The following FAM227A variants were observed in gnomAD, a reference collection of about 807,000 sequenced individuals.
FAM227A encodes the protein protein FAM227A.
FAM227A carries 80 observed loss-of-function variants against 74.7 expected under a neutral mutation model. That is an observed-to-expected ratio of 1.07 (90% CI 0.89 to 1.29). FAM227A has a LOEUF of 1.29. Ranked by LOEUF, FAM227A falls within the 50% of genes most tolerant of loss-of-function variation. The pLI is 0.00. For missense variants in FAM227A, 654 were observed against 683.4 expected (o/e 0.96, Z 0.48); for synonymous variants, 237 against 241.8 (o/e 0.98, Z 0.19).
intron 2 of FAM227A, among the ~76,000 whole-genome samples, chr22:38,646,935 T>C (rs1401482600): frequency 1.4e-5 from 2 of 145,916 alleles, no homozygotes; most frequent in Admixed American, 6.9e-5. Context: ...CAGATCACGA[T>C]GTTAGGAGTT....
chr22:38,589,982 C>T (rs2090895541), intron 16 of FAM227A, among the ~76,000 whole-genome samples: 1 of 152,000 alleles, frequency 6.6e-6, no homozygotes, highest in African/African-American at 2.4e-5. Context: ...AATGGTGGCT[C>T]ACACCTGTAA....
chr22:38,640,774 T>A (rs1434687561), intron 3 of FAM227A, among the ~76,000 whole-genome samples: 1 of 151,802 alleles, frequency 6.6e-6, no homozygotes, highest in East Asian at 1.9e-4. Context: ...TGGACATGAG[T>A]GTTGGTGGCA....
chr22:38,654,852 G>A (rs1164178691), intron 1 of FAM227A, among the ~76,000 whole-genome samples: 2 of 151,432 alleles, frequency 1.3e-5, no homozygotes, highest in African/African-American at 4.9e-5. Flanking sequence ...AGAGGCTGAG[G>A]CAGGACAATG....
intron 8 of FAM227A, 149 bp from the exon 9 acceptor site, chr22:38,626,452 G>T: frequency 1.0e-6 from 1 of 977,292 alleles, no homozygotes; most frequent in Non-Finnish European, 1.4e-6. Flanking sequence ...TACCCAGGCT[G>T]GATTTGAACT....
At chr22:38,614,073 C>T (rs1344822089) in intron 11 of FAM227A, among the ~76,000 whole-genome samples, 2 of 152,088 alleles carry the variant, frequency 1.3e-5, no homozygotes, top group African/African-American at 4.8e-5. Context: ...ACCATGTTGG[C>T]CAGGTTAAGA....
At chr22:38,623,109 A>C in intron 10 of FAM227A, 63 bp downstream of exon 10, 1 of 1,140,402 alleles carries the variant, frequency 8.8e-7, no homozygotes, top group Non-Finnish European at 1.3e-6. Flanking sequence ...CTCCTCCCTC[A>C]GTTAGATAGT....
At chr22:38,629,026 C>T in intron 6 of FAM227A, 91 bp from the exon 7 acceptor site, 1 of 778,676 alleles carries the variant, frequency 1.3e-6, no homozygotes, top group Non-Finnish European at 2.1e-6. Context: ...ACAGAAAAAC[C>T]ACCTAATCTG....
intron 2 of FAM227A, among the ~76,000 whole-genome samples, chr22:38,646,346 G>A (rs1294941049): frequency 6.9e-5 from 9 of 130,868 alleles, no homozygotes; most frequent in Admixed American, 1.8e-4. Context: ...TGCAAGCTCC[G>A]CCTCCCGGGT....
In FAM227A at chr22:38,608,792, CCTTTT is replaced by C. The variant is rs574748832; in HGVS notation, c.1039-1321_1039-1317del. Among the ~76,000 whole-genome samples, 10 of 127,632 alleles carry C rather than the reference CCTTTT, an allele frequency of 7.8e-5. No homozygotes were observed. In the South Asian group the frequency reaches 1.7e-3, roughly 22 times the overall value. The allele number at this position is 127,632 out of a possible 152,430, so 83.7% of individuals were successfully genotyped here. On this transcript the variant is annotated intron_variant, in intron 11 of 16. Transcript: ENST00000535113. ...CATAAGATAAAATAAGACCCTTGTT[CCTTTT>C]TTTTTTTTTTTTTTTTTGAGATGGA...
chr22:38,593,305 C>T (rs1272375830), intron 15 of FAM227A, among the ~76,000 whole-genome samples: 1 of 152,152 alleles, frequency 6.6e-6, no homozygotes. Context: ...GAGATCAAGA[C>T]CATCCTGGCT....
At chr22:38,645,260 A>G (rs929654856) in intron 3 of FAM227A, among the ~76,000 whole-genome samples, 1 of 151,848 alleles carries the variant, frequency 6.6e-6, no homozygotes, top group African/African-American at 2.4e-5. Flanking sequence ...GCATGGTGGC[A>G]CGCACCTGTA....
chr22:38,613,295 TC>T (rs1569207449), intron 11 of FAM227A, among the ~76,000 whole-genome samples: 2 of 55,518 alleles, frequency 3.6e-5, no homozygotes, highest in African/African-American at 1.4e-4. Context: ...ATAATATATA[TC>T]ATATATAATA....
In FAM227A at chr22:38,636,450, C is replaced by T; in HGVS notation, c.519+1G>A. ...CAGGGCAGGCACTGCTTTTTCCTCA[C>T]CTTGCCACTAAGGCAGTCTCTCTCA... On this transcript the variant is annotated splice_donor_variant, in intron 6 of 16. Transcript: ENST00000535113. LOFTEE classifies it high-confidence loss of function. 1 of 1,550,622 alleles carries T rather than the reference C, an allele frequency of 6.4e-7. No individual in the cohort carries two copies. The highest frequency in any genetic ancestry group is 8.7e-7 in the Non-Finnish European group (1 of 1,146,622).
chr22:38,650,077 C>T lies in FAM227A; in HGVS notation c.92G>A (p.Arg31Gln), dbSNP rs780662084. 27 of 1,551,938 alleles carry T rather than the reference C, an allele frequency of 1.7e-5. No homozygotes were observed. Among genetic ancestry groups the T allele is most frequent in the South Asian group, 1.3e-4 (11 of 84,044 alleles). ...DEHLAVSLVA[R>Q]NTMVKTVRKE... ...CCTCACAGTCTTCACCATTGTATTC[C>T]GTGCGACAAGCGAGACAGCCAGGTG... The change falls in exon 2 of 17, where the codon CGG (arginine) becomes CAG (glutamine). Residue 31 changes from arginine to glutamine, a missense_variant. Physicochemically the swap from Arg to Gln is conservative, Grantham distance 43. Transcript: ENST00000535113.
rs1439520904 is a variant in FAM227A, at chr22:38,579,884, C to G, written c.*6241G>C. 1.3e-5 allele frequency: 2 copies of G among 151,928 alleles called. No homozygotes were observed. The highest frequency in any genetic ancestry group is 2.9e-5 in the Non-Finnish European group (2 of 67,980). 9.4% of individuals were successfully genotyped at this position (151,928 alleles called of 1,614,324 possible). ...ATGCCACATTTTGTTTCAATGGGAT[C>G]CAAATAATGTCCACATGTTGTAATT... On this transcript the variant is annotated 3_prime_UTR_variant, in exon 17 of 17. Transcript: ENST00000535113.
intron 10 of FAM227A, among the ~76,000 whole-genome samples, chr22:38,622,873 CAAAAAAAAAAAAAAAAA>C (rs138871600): frequency 2.2e-5 from 1 of 45,134 alleles, no homozygotes; most frequent in African/African-American, 8.1e-5. Flanking sequence ...AAGACTGTCT[CAAAAAAAAAAAAAAAAA>C]AAAAAAAAAG....
intron 16 of FAM227A, among the ~76,000 whole-genome samples, chr22:38,589,949 T>A (rs1392333491): frequency 4.6e-5 from 7 of 151,784 alleles, no homozygotes; most frequent in African/African-American, 1.2e-4. Context: ...ATAATTATTT[T>A]AAAAATAGAA....
intron 11 of FAM227A, among the ~76,000 whole-genome samples, chr22:38,614,077 G>T (rs2091525325): frequency 6.6e-6 from 1 of 152,132 alleles, no homozygotes; most frequent in South Asian, 2.1e-4. Flanking sequence ...TGTTGGCCAG[G>T]TTAAGAGCTA....
rs553006520 is a variant in FAM227A at position 38,595,132 on chromosome 22, T to C, written c.1532+2072A>G. On this transcript the variant is annotated intron_variant, in intron 15 of 16. Coordinates refer to ENST00000535113, the MANE Select transcript of FAM227A (RefSeq NM_001013647.2). ...TAAAAATAAAAATAAAACCCAATTG[T>C]ATTATATTGCATAACAAAGTATTTA... 9.2e-5 allele frequency among the ~76,000 whole-genome samples: 14 copies of C among 152,288 alleles called. No individual in the cohort carries two copies. In the South Asian group the frequency reaches 2.9e-3, roughly 32 times the overall value.
Sources: gnomAD v4.1 joint callset for allele counts (sites outside exome capture counted in the v4.1 genomes callset) on GRCh38, gnomAD v4.1.1 for gene constraint, MANE v1.5 for transcripts, NCBI Gene and HGNC (gene_info 2026-07-23, HGNC 2026-07-21) for gene names.